POLK: variants seen among roughly 807,000 people sequenced by gnomAD.
POLK encodes polymerase (DNA directed) kappa.
POLK carries 76 observed loss-of-function variants against 94.0 expected under a neutral mutation model. The observed-to-expected ratio is 0.81, with a 90% CI of 0.67 to 0.98. The LOEUF (loss-of-function observed/expected upper bound fraction) is 0.98. Ranked by LOEUF, POLK falls within the 50% of genes least tolerant of loss-of-function variation. The pLI, the probability that POLK is intolerant of heterozygous loss-of-function variation, is 0.00. For missense variants in POLK, 954 were observed against 1,010.1 expected (o/e 0.94, Z 0.75); for synonymous variants, 349 against 325.4 (o/e 1.07, Z -0.78).
chr5:75,534,222 TG>T (rs1258005781), intron 1 of POLK, among the ~76,000 whole-genome samples: 1 of 150,638 alleles, frequency 6.6e-6, no homozygotes, highest in African/African-American at 2.4e-5. Context: ...GCTGAGATTG[TG>T]TCACTGCATT....
At position 75,546,999 on chromosome 5, in the gene POLK, T is replaced by G; in HGVS notation, c.-13-11T>G. ...GTTTTAAAAGCAGTGTTTATCTTTA[T>G]GCTTTTTCAGATAAGTTTATACCAT... On this transcript the variant is annotated splice_polypyrimidine_tract_variant and intron_variant, in intron 1 of 14. Coordinates refer to ENST00000241436, the Ensembl canonical transcript of POLK. 1 of 1,414,936 alleles carries G rather than the reference T, an allele frequency of 7.1e-7. No homozygotes were observed. Among genetic ancestry groups the G allele is most frequent in the Non-Finnish European group, 9.5e-7 (1 of 1,047,822 alleles). The allele number at this position is 1,414,936 out of a possible 1,614,324, so 87.6% of individuals were successfully genotyped here. A position where few individuals can be genotyped will look rare whatever the true frequency, so the allele number is the denominator to read the frequency against.
At chr5:75,547,222 A>G in intron 2 of POLK, 65 bp downstream of exon 2, 2 of 663,318 alleles carry the variant, frequency 3.0e-6, no homozygotes, top group South Asian at 4.5e-5. Flanking sequence ...TTTCAAAGAA[A>G]ATCATTTGAA....
At chr5:75,513,068 G>A (rs1382739179) in intron 1 of POLK, 1 of 152,166 alleles carries the variant, frequency 6.6e-6, no homozygotes, top group African/African-American at 2.4e-5. Flanking sequence ...CCATATCCCA[G>A]TATCATATTT....
Position 75,536,159 on chromosome 5 carries a change from TGGTATAA to T in POLK, c.-13-10847_-13-10841del, listed in dbSNP as rs573326521. On this transcript the variant is annotated intron_variant, in intron 1 of 14. Coordinates refer to ENST00000241436, the Ensembl canonical transcript of POLK. Reference sequence around the variant, plus strand: ...TTTGATGCCCTTGGGGATTTGATTATGGTATAAGGTGGATTCAGTTGATGAACTTTGA... The same window carrying T: ...TTTGATGCCCTTGGGGATTTGATTATGGTGGATTCAGTTGATGAACTTTGA... Among the ~76,000 whole-genome samples the T allele has an allele frequency of 2.6e-3, 395 of 152,262 alleles. 1 individual carries two copies. The highest frequency in any genetic ancestry group is 6.8e-3 in the Middle Eastern group (2 of 294).
At chr5:75,600,041 C>T (rs1773261836) in exon 15 of POLK, 1 of 151,946 alleles carries the variant, frequency 6.6e-6, no homozygotes, top group South Asian at 2.1e-4. Flanking sequence ...CTTAGTGAAC[C>T]TAATATAAAC....
rs148045915 is a variant in POLK, at chr5:75,580,122, A to G, written c.695-1087A>G. ...TTTTTAAATTAATCAGATGTCTGTC[A>G]TATTTATTTTATATTATCTTTAAAA... On this transcript the variant is annotated intron_variant, in intron 6 of 14. Transcript: ENST00000241436. Among the ~76,000 whole-genome samples the G allele has an allele frequency of 2.9e-3, 443 of 152,164 alleles. 1 individual carries two copies. The highest frequency in any genetic ancestry group is 0.027 in the East Asian group (142 of 5,182).
At chr5:75,530,663 A>C (rs1769128561) in intron 1 of POLK, among the ~76,000 whole-genome samples, 1 of 151,684 alleles carries the variant, frequency 6.6e-6, no homozygotes, top group African/African-American at 2.4e-5. Flanking sequence ...TGTGTTTGTA[A>C]AAACTTAACT....
chr5:75,591,065 G>C (rs368719294), intron 11 of POLK, among the ~76,000 whole-genome samples: 1 of 152,298 alleles, frequency 6.6e-6, no homozygotes, highest in East Asian at 1.9e-4. Context: ...TATCTGGTTT[G>C]ATAGAAGAAA....
intron 3 of POLK, among the ~76,000 whole-genome samples, chr5:75,552,952 T>A (rs796124035): frequency 4.6e-5 from 7 of 152,262 alleles, no homozygotes; most frequent in African/African-American, 1.7e-4. Context: ...GGGATAAATG[T>A]GGAATGTTTT....
chr5:75,514,623 G>C (rs79996311), intron 1 of POLK, among the ~76,000 whole-genome samples: 7,440 of 152,218 alleles, frequency 0.049, 538 homozygotes, highest in African/African-American at 0.16. Context: ...CCAGATCATC[G>C]CTAGTGAATA....
At chr5:75,603,057 A>G (rs1773332364), downstream of POLK, among the ~76,000 whole-genome samples, 1 of 152,264 alleles carries the variant, frequency 6.6e-6, no homozygotes, top group African/African-American at 2.4e-5. Context: ...AAATGTAGAC[A>G]GTGGTTATAG....
At chr5:75,595,636 G>A (rs141473008) in intron 12 of POLK, among the ~76,000 whole-genome samples, 36 of 152,260 alleles carry the variant, frequency 2.4e-4, no homozygotes, top group African/African-American at 5.5e-4. Flanking sequence ...AAATGATTCC[G>A]TATGATTCTA....
chr5:75,587,719 G>A (rs1187919495), intron 10 of POLK, among the ~76,000 whole-genome samples: 9 of 152,062 alleles, frequency 5.9e-5, no homozygotes, highest in Non-Finnish European at 1.5e-5. Context: ...CCAGGAGTTC[G>A]AGACCAGCCT....
intron 3 of POLK, among the ~76,000 whole-genome samples, chr5:75,556,713 CTTTTTTTT>C (rs774487569): frequency 7.2e-6 from 1 of 139,776 alleles, no homozygotes; most frequent in Non-Finnish European, 1.6e-5. Context: ...ATCTTTTTTT[CTTTTTTTT>C]TTTTTTAACA....
rs181477708 is a variant in POLK at position 75,584,614 on chromosome 5, G to T, written c.1060-146G>T. Reference sequence around the variant, plus strand: ...ACAACCCAGGAGGTGGAGGTTGTGGGGAGCCAACTTGGCACCACTGTACTC... The same window carrying T: ...ACAACCCAGGAGGTGGAGGTTGTGGTGAGCCAACTTGGCACCACTGTACTC... On this transcript the variant is annotated intron_variant, in intron 8 of 14. Coordinates refer to ENST00000241436, the Ensembl canonical transcript of POLK. 867 of 535,774 alleles carry T rather than the reference G, an allele frequency of 1.6e-3. 5 individuals are homozygous for T. In the East Asian group the frequency reaches 0.018, roughly 11 times the overall value. The allele number at this position is 535,774 out of a possible 1,614,324, so 33.2% of individuals were successfully genotyped here. A position where few individuals can be genotyped will look rare whatever the true frequency, so the allele number is the denominator to read the frequency against.
At chr5:75,567,496 C>G (rs935729512) in intron 3 of POLK, among the ~76,000 whole-genome samples, 1 of 152,102 alleles carries the variant, frequency 6.6e-6, no homozygotes, top group African/African-American at 2.4e-5. Context: ...AAGAAGTTAG[C>G]CTTCTTCAAG....
intron 1 of POLK, among the ~76,000 whole-genome samples, chr5:75,522,181 G>A (rs1296852346): frequency 6.6e-6 from 1 of 152,236 alleles, no homozygotes; most frequent in Non-Finnish European, 1.5e-5. Context: ...GGGGAAACTG[G>A]TTGTCTACTT....
intron 4 of POLK, among the ~76,000 whole-genome samples, chr5:75,569,961 T>C (rs953744686): frequency 9.2e-5 from 14 of 152,206 alleles, no homozygotes; most frequent in African/African-American, 2.7e-4. Context: ...GATTCTCTAA[T>C]TGCAGGAAAA....
intron 2 of POLK, among the ~76,000 whole-genome samples, chr5:75,551,417 A>T (rs1344356544): frequency 6.6e-6 from 1 of 152,162 alleles, no homozygotes; most frequent in Non-Finnish European, 1.5e-5. Context: ...TCTTAAAAAA[A>T]AAAGAAAAAG....
Sources: gnomAD v4.1 joint callset for allele counts (sites outside exome capture counted in the v4.1 genomes callset) on GRCh38, gnomAD v4.1.1 for gene constraint, MANE v1.5 for transcripts, NCBI Gene and HGNC (gene_info 2026-07-23, HGNC 2026-07-21) for gene names.